The following SLC12A1 variants were observed in gnomAD, a reference collection of about 807,000 sequenced individuals.
SLC12A1 encodes the protein Na-K-2Cl cotransporter.
A neutral mutation model predicts 130.4 loss-of-function variants in SLC12A1; 89 were observed. The observed-to-expected ratio is 0.68, with a 90% CI of 0.58 to 0.81. SLC12A1 has a LOEUF of 0.81. Ranked by LOEUF, SLC12A1 falls within the 40% of genes least tolerant of loss-of-function variation. SLC12A1 has a pLI of 0.00. For synonymous variants in SLC12A1, 499 were observed against 460.0 expected (o/e 1.08, Z -1.09); for missense variants, 1,310 against 1,336.4 (o/e 0.98, Z 0.31).
Position 48,207,660 on chromosome 15 carries a change from A to G in SLC12A1, c.-60A>G, listed in dbSNP as rs2140998996. The G allele has an allele frequency of 7.2e-7, 1 of 1,385,770 alleles. No homozygotes were observed. Among genetic ancestry groups the G allele is most frequent in the Non-Finnish European group, 9.6e-7 (1 of 1,040,924 alleles). The allele number at this position is 1,385,770 out of a possible 1,614,324, so 85.8% of individuals were successfully genotyped here. On this transcript the variant is annotated 5_prime_UTR_variant, in exon 2 of 27. In the 5' UTR this introduces an upstream ATG that the reference lacks. Coordinates refer to ENST00000380993, the MANE Select transcript of SLC12A1 (RefSeq NM_000338.3). ...TTAGTGTTTATTTTGATGAAGAAAT[A>G]TATAGATTTTTTAAAACAACCACAA...
intron 17 of SLC12A1, among the ~76,000 whole-genome samples, chr15:48,266,942 C>G (rs571774526): frequency 2.0e-5 from 3 of 152,150 alleles, no homozygotes; most frequent in Admixed American, 1.3e-4. Context: ...GTCATAGGTA[C>G]GTAAACCTTT....
At position 48,303,483 on chromosome 15, in the gene SLC12A1, GTTAT is replaced by G. The variant is rs2141136464; in HGVS notation, c.*602_*605del. On this transcript the variant is annotated 3_prime_UTR_variant, in exon 27 of 27. Transcript: ENST00000380993. ...TATTCAAAGCAGTTACCTAAATAAG[GTTAT>G]TTAATGTAACAGATTATATACTTAA... The G allele has an allele frequency of 6.6e-6, 1 of 152,164 alleles. No individual in the cohort carries two copies. The highest frequency in any genetic ancestry group is 1.9e-4 in the East Asian group (1 of 5,188). 9.4% of individuals were successfully genotyped at this position (152,164 alleles called of 1,614,324 possible).
chr15:48,232,813 G>A lies in SLC12A1; in HGVS notation c.1062G>A (p.Lys354=). 6.2e-7 allele frequency: 1 copy of A among 1,610,240 alleles called. No individual in the cohort carries two copies. Among genetic ancestry groups the A allele is most frequent in the Non-Finnish European group, 8.5e-7 (1 of 1,176,972 alleles). The change falls in exon 8 of 27, where the codon AAG becomes AAA. Residue 354 remains lysine (K), a synonymous_variant. Coordinates refer to ENST00000380993, the MANE Select transcript of SLC12A1 (RefSeq NM_000338.3). The part of the protein sequence containing the change: ...GTVIPSNNEK[K]SRGFFNYQAS... The stretch of plus-strand genomic sequence containing the variant: ...TCATTCCATCCAACAATGAGAAAAA[G>A]TCCAGAGGTTTCTTTAATTACCAAG...
intron 25 of SLC12A1, among the ~76,000 whole-genome samples, chr15:48,299,995 C>T (rs2042215558): frequency 6.6e-6 from 1 of 152,166 alleles, no homozygotes; most frequent in African/African-American, 2.4e-5. Context: ...CTGCTAATCT[C>T]ATTGTACTTT....
intron 2 of SLC12A1, among the ~76,000 whole-genome samples, chr15:48,213,100 A>G (rs1192451249): frequency 6.6e-6 from 1 of 152,222 alleles, no homozygotes; most frequent in East Asian, 1.9e-4. Flanking sequence ...AAAGGCTTGC[A>G]AAAGTCAATG....
intron 15 of SLC12A1, among the ~76,000 whole-genome samples, chr15:48,255,436 CAA>C (rs373793834): frequency 3.9e-4 from 35 of 89,254 alleles, no homozygotes; most frequent in Admixed American, 1.4e-3. Context: ...AACTCCATCT[CAA>C]AAAAAAAAAA....
chr15:48,227,859 A>G (rs1484966246), intron 5 of SLC12A1: 1 of 152,156 alleles, frequency 6.6e-6, no homozygotes, highest in African/African-American at 2.4e-5. Flanking sequence ...TCCACTCTCA[A>G]CTTCTGCCTG....
rs2042124556 is a variant in SLC12A1 at position 48,291,829 on chromosome 15, C to T, written c.2925C>T (p.Ile975=). Residue 975 remains isoleucine, a synonymous_variant, in exon 24 of 27, where the codon ATC becomes ATT. Coordinates refer to ENST00000380993, the MANE Select transcript of SLC12A1 (RefSeq NM_000338.3). ...KFRIKFADIH[I]IGDINIRPNK... ...GGATAAAATTTGCAGACATCCATAT[C>T]ATCGGTGACATCAACATTAGGCCAA... 1.3e-6 allele frequency: 2 copies of T among 1,571,626 alleles called. No homozygotes were observed. Among genetic ancestry groups the T allele is most frequent in the East Asian group, 4.6e-5 (2 of 43,256 alleles).
In SLC12A1 at chr15:48,259,745, A is replaced by G. The variant is rs34411832; in HGVS notation, c.2154+434A>G. ...ACAGCACATAGAATTTAGATTAAATATTTGGATAAGTTTGATGACATTGCA... is the reference window on the plus strand; with the variant it reads ...ACAGCACATAGAATTTAGATTAAATGTTTGGATAAGTTTGATGACATTGCA... On this transcript the variant is annotated intron_variant, in intron 17 of 26. Coordinates refer to ENST00000380993, the MANE Select transcript of SLC12A1 (RefSeq NM_000338.3). Among the ~76,000 whole-genome samples, 743 of 152,356 alleles carry G rather than the reference A, an allele frequency of 4.9e-3. 8 individuals carry two copies. The highest frequency in any genetic ancestry group is 0.044 in the Middle Eastern group (13 of 294).
At chr15:48,253,438 C>A (rs1212567506) in intron 15 of SLC12A1, among the ~76,000 whole-genome samples, 2 of 152,204 alleles carry the variant, frequency 1.3e-5, no homozygotes, top group Non-Finnish European at 2.9e-5. Context: ...TAGAAACATA[C>A]ACGATATAGC....
At chr15:48,249,453 C>A in intron 13 of SLC12A1, 122 bp from the exon 14 acceptor site, 1 of 777,538 alleles carries the variant, frequency 1.3e-6, no homozygotes, top group African/African-American at 1.7e-5. Flanking sequence ...ACTTCTTAAA[C>A]TTTGACAGAT....
intron 24 of SLC12A1, among the ~76,000 whole-genome samples, chr15:48,297,210 T>C (rs1422936931): frequency 6.6e-6 from 1 of 152,220 alleles, no homozygotes; most frequent in Non-Finnish European, 1.5e-5. Flanking sequence ...CAGGACTATC[T>C]ACTCGCTCAT....
Position 48,291,886 on chromosome 15 carries a change from A to C in SLC12A1, c.2960+22A>C, listed in dbSNP as rs2291342. 323,861 of 1,374,978 alleles carry C rather than the reference A, an allele frequency of 0.24. 45,563 individuals carry two copies. The highest frequency in any genetic ancestry group is 0.57 in the African/African-American group (40,160 of 70,096). 85.2% of individuals were successfully genotyped at this position (1,374,978 alleles called of 1,614,324 possible). ...AGAGGTATGAAATATTTAACAAGAG[A>C]CATTGATTACCCATGGTACTCTCTC... On this transcript the variant is annotated intron_variant, in intron 24 of 26. Transcript: ENST00000380993.
At chr15:48,286,859 T>C (rs893784921) in intron 21 of SLC12A1, among the ~76,000 whole-genome samples, 2 of 152,170 alleles carry the variant, frequency 1.3e-5, no homozygotes, top group Non-Finnish European at 2.9e-5. Context: ...TACCTGAGTG[T>C]GAACAGGAGG....
At chr15:48,226,251 C>G in intron 4 of SLC12A1, 1 of 468,492 alleles carries the variant, frequency 2.1e-6, no homozygotes, top group South Asian at 3.9e-5. Context: ...CAAGTCTGCA[C>G]TTTCGATTGT....
intron 17 of SLC12A1, among the ~76,000 whole-genome samples, chr15:48,263,241 C>T (rs1280301675): frequency 2.0e-5 from 3 of 152,122 alleles, no homozygotes; most frequent in East Asian, 1.9e-4. Context: ...AATTGAAAGT[C>T]GATTCCATTG....
rs1056696233 is a variant in SLC12A1 at position 48,259,182 on chromosome 15, T to C, written c.2043-18T>C. On this transcript the variant is annotated intron_variant, in intron 16 of 26. Transcript: ENST00000380993. Reference sequence around the variant, plus strand: ...CTTCTTGCAGGGGCTCATTTTCACATCTTTTTTTTACTTCCAGGCCCCAGT... The same window carrying C: ...CTTCTTGCAGGGGCTCATTTTCACACCTTTTTTTTACTTCCAGGCCCCAGT... 3 of 1,501,612 alleles carry C rather than the reference T, an allele frequency of 2.0e-6. No individual in the cohort carries two copies. Among genetic ancestry groups the C allele is most frequent in the East Asian group, 2.2e-5 (1 of 44,472 alleles). The allele number at this position is 1,501,612 out of a possible 1,614,324, so 93.0% of individuals were successfully genotyped here.
intron 20 of SLC12A1, among the ~76,000 whole-genome samples, chr15:48,283,071 G>C (rs930985081): frequency 3.9e-5 from 6 of 152,084 alleles, no homozygotes; most frequent in Non-Finnish European, 7.4e-5. Flanking sequence ...GCAATAAATA[G>C]CAATTGCTAA....
At chr15:48,227,270 A>T (rs1278120347) in intron 5 of SLC12A1, 1 of 949,398 alleles carries the variant, frequency 1.1e-6, no homozygotes, top group Non-Finnish European at 1.6e-6. Flanking sequence ...ATTGCTAATT[A>T]GTCCCCAGTG....
Sources: allele counts gnomAD v4.1 joint callset (sites outside exome capture counted in the v4.1 genomes callset), GRCh38; gene constraint gnomAD v4.1.1; transcripts MANE v1.5; gene names NCBI Gene and HGNC (gene_info 2026-07-23, HGNC 2026-07-21).